The following VRK2 variants were observed in gnomAD, a reference collection of about 807,000 sequenced individuals.
VRK2 encodes the protein VRK serine/threonine kinase 2, also known as serine/threonine-protein kinase VRK2.
VRK2 carries 60 observed loss-of-function variants against 57.6 expected under a neutral mutation model. That is an observed-to-expected ratio of 1.04 (90% CI 0.85 to 1.29). The LOEUF is 1.29. Among genes scored for constraint, VRK2 ranks in the 50% most tolerant of loss-of-function variants. VRK2 has a pLI of 0.00. For synonymous variants in VRK2, 231 were observed against 199.2 expected (o/e 1.16, Z -1.35); for missense variants, 705 against 588.1 (o/e 1.20, Z -2.06).
chr2:57,971,295 T>C (rs1473305761), intron 1 of VRK2, among the ~76,000 whole-genome samples: 2 of 152,014 alleles, frequency 1.3e-5, no homozygotes, highest in Non-Finnish European at 1.5e-5. Flanking sequence ...TGTAAAATGT[T>C]GTATACCATT....
chr2:58,120,898 C>A (rs1677398560), intron 7 of VRK2, among the ~76,000 whole-genome samples: 1 of 152,176 alleles, frequency 6.6e-6, no homozygotes, highest in South Asian at 2.1e-4. Flanking sequence ...CTGTCTCACC[C>A]CAGTGCTTTA....
intron 10 of VRK2, among the ~76,000 whole-genome samples, chr2:58,137,020 CAT>C (rs1323049639): frequency 1.7e-4 from 22 of 127,502 alleles, no homozygotes; most frequent in East Asian, 8.5e-4. Flanking sequence ...ATATATATCT[CAT>C]ATGTGTATAT....
intron 2 of VRK2, among the ~76,000 whole-genome samples, chr2:58,077,931 GA>G (rs1158716975): frequency 6.6e-6 from 1 of 152,220 alleles, no homozygotes; most frequent in East Asian, 1.9e-4. Flanking sequence ...TTCTTGGACA[GA>G]ACTCTTTTTC....
At chr2:58,130,631 A>G (rs546838739) in intron 8 of VRK2, among the ~76,000 whole-genome samples, 4 of 152,304 alleles carry the variant, frequency 2.6e-5, no homozygotes, top group Admixed American at 1.3e-4. Flanking sequence ...TTAGTAGATG[A>G]CTTTTTAAAT....
At chr2:58,118,345 C>T (rs1233370775) in intron 7 of VRK2, among the ~76,000 whole-genome samples, 1 of 152,226 alleles carries the variant, frequency 6.6e-6, no homozygotes, top group Non-Finnish European at 1.5e-5. Context: ...GATTAAACAT[C>T]AAGGGAAGGC....
chr2:57,948,255 C>T (rs1671321040), intron 1 of VRK2, among the ~76,000 whole-genome samples: 1 of 152,152 alleles, frequency 6.6e-6, no homozygotes, highest in Non-Finnish European at 1.5e-5. Context: ...GTCTGCTTTT[C>T]ACTATATAGT....
At position 58,159,371 on chromosome 2, in the gene VRK2, A is replaced by C; in HGVS notation, c.1205A>C (p.Lys402Thr). The change falls in exon 13 of 13, where the codon AAA (lysine) becomes ACA (threonine). Residue 402 changes from lysine (K) to threonine (T), a missense_variant. Coordinates refer to ENST00000340157, the MANE Select transcript of VRK2 (RefSeq NM_006296.7). ...AAQESTRRRQ[K>T]YQESQEPLNE... is the part of the protein sequence containing the mutation. ...TAGGAAAGCACAAGGAGAAGACAGA[A>C]ATATCAAGAGTCTCAAGAACCTTTG... is the stretch of plus-strand genomic sequence containing the variant. The C allele has an allele frequency of 6.2e-7, 1 of 1,608,820 alleles. No homozygotes were observed. Among genetic ancestry groups the C allele is most frequent in the Non-Finnish European group, 8.5e-7 (1 of 1,178,150 alleles).
intron 7 of VRK2, among the ~76,000 whole-genome samples, chr2:58,094,334 AT>A (rs1672815458): frequency 6.6e-6 from 1 of 152,134 alleles, no homozygotes; most frequent in South Asian, 2.1e-4. Context: ...GTCCTCTTTT[AT>A]TCCATTGAGC....
chr2:58,064,057 T>A (rs772483779), intron 2 of VRK2, among the ~76,000 whole-genome samples: 1 of 152,070 alleles, frequency 6.6e-6, no homozygotes, highest in Non-Finnish European at 1.5e-5. Flanking sequence ...ATGATAACAT[T>A]TAATTCATGA....
intron 7 of VRK2, among the ~76,000 whole-genome samples, chr2:58,116,436 T>C (rs186389266): frequency 6.6e-6 from 1 of 151,756 alleles, no homozygotes; most frequent in Non-Finnish European, 1.5e-5. Flanking sequence ...AAAAGAGTGC[T>C]TAAAAGAGTA....
chr2:57,916,824 C>T (rs1670171562), intron 1 of VRK2, among the ~76,000 whole-genome samples: 1 of 152,110 alleles, frequency 6.6e-6, no homozygotes, highest in South Asian at 2.1e-4. Flanking sequence ...TTTCAAATTC[C>T]AGTTTCAACT....
At chr2:57,943,223 A>G (rs1217574578) in intron 1 of VRK2, among the ~76,000 whole-genome samples, 2 of 152,234 alleles carry the variant, frequency 1.3e-5, no homozygotes, top group Non-Finnish European at 2.9e-5. Context: ...TACACAAGAC[A>G]TGATCTATCC....
At chr2:58,000,782 TACTCG>T (rs1673066373) in intron 1 of VRK2, among the ~76,000 whole-genome samples, 1 of 152,214 alleles carries the variant, frequency 6.6e-6, no homozygotes, top group African/African-American at 2.4e-5. Flanking sequence ...CTTCTATTCA[TACTCG>T]ACTGCAAAAC....
intron 2 of VRK2, among the ~76,000 whole-genome samples, chr2:58,029,745 A>AT (rs1380228693): frequency 6.6e-6 from 1 of 152,150 alleles, no homozygotes; most frequent in East Asian, 1.9e-4. Flanking sequence ...CTGGGGTCTA[A>AT]TGAGCTTCTG....
intron 1 of VRK2, among the ~76,000 whole-genome samples, chr2:57,926,466 T>C (rs1411790232): frequency 8.6e-6 from 1 of 116,666 alleles, no homozygotes; most frequent in Non-Finnish European, 1.8e-5. Flanking sequence ...TGTGTGTGTG[T>C]GTATAGTGTA....
At chr2:58,138,335 T>G (rs1298472662) in intron 10 of VRK2, among the ~76,000 whole-genome samples, 1 of 152,194 alleles carries the variant, frequency 6.6e-6, no homozygotes, top group Non-Finnish European at 1.5e-5. Context: ...CAGCACTTGC[T>G]AGTTAACAGA....
chr2:57,935,720 A>C (rs1471959589), intron 1 of VRK2, among the ~76,000 whole-genome samples: 1 of 152,160 alleles, frequency 6.6e-6, no homozygotes, highest in African/African-American at 2.4e-5. Flanking sequence ...GAGGTAATAA[A>C]AAAGTATACC....
chr2:57,990,779 G>A (rs1672739296), intron 1 of VRK2, among the ~76,000 whole-genome samples: 1 of 151,966 alleles, frequency 6.6e-6, no homozygotes, highest in Non-Finnish European at 1.5e-5. Context: ...TACTTTGATA[G>A]CTGTTCACAT....
At chr2:58,109,398 A>G (rs1056032389) in intron 7 of VRK2, among the ~76,000 whole-genome samples, 6 of 152,136 alleles carry the variant, frequency 3.9e-5, no homozygotes, top group South Asian at 2.1e-4. Context: ...CCTTGTGCTT[A>G]AAAGGATCTG....
Sources: allele counts gnomAD v4.1 joint callset (sites outside exome capture counted in the v4.1 genomes callset), GRCh38; gene constraint gnomAD v4.1.1; transcripts MANE v1.5; gene names NCBI Gene and HGNC (gene_info 2026-07-23, HGNC 2026-07-21).